MTMR9: variants seen among roughly 807,000 people sequenced by gnomAD.
The protein encoded by MTMR9 is myotubularin related protein 9.
A neutral mutation model predicts 69.5 loss-of-function variants in MTMR9; 39 were observed. The ratio of observed to expected loss-of-function variants is 0.56; its 90% CI spans 0.43 to 0.73. MTMR9 has a LOEUF of 0.73. Among genes scored for constraint, MTMR9 ranks in the 30% least tolerant of loss-of-function variants. The pLI is 0.00. For missense variants in MTMR9, 900 were observed against 671.2 expected (o/e 1.34, Z -3.77); for synonymous variants, 354 against 240.8 (o/e 1.47, Z -4.35).
intron 3 of MTMR9, among the ~76,000 whole-genome samples, chr8:11,304,355 A>C (rs2117401991): frequency 1.3e-5 from 2 of 152,330 alleles, no homozygotes. Flanking sequence ...GTACAGTCTT[A>C]CTTGTGCTTT....
chr8:11,286,615 G>A (rs1396950479), intron 1 of MTMR9, among the ~76,000 whole-genome samples: 1 of 141,136 alleles, frequency 7.1e-6, no homozygotes, highest in Non-Finnish European at 1.5e-5. Flanking sequence ...GCAGTGAGCC[G>A]AGATCGGGCC....
chr8:11,317,602 G>C (rs1563284383), intron 8 of MTMR9: 4 of 152,132 alleles, frequency 2.6e-5, no homozygotes, highest in Admixed American at 6.6e-5. Context: ...ACAGGCCACG[G>C]ACCCTTACTG....
downstream of MTMR9, among the ~76,000 whole-genome samples, chr8:11,329,937 T>A (rs1417167923): frequency 6.6e-6 from 1 of 150,468 alleles, no homozygotes; most frequent in Admixed American, 6.6e-5. Context: ...CGACCCCGTC[T>A]GGGAGGTGAG....
At chr8:11,291,804 T>G (rs1799388136) in intron 1 of MTMR9, among the ~76,000 whole-genome samples, 1 of 152,162 alleles carries the variant, frequency 6.6e-6, no homozygotes, top group African/African-American at 2.4e-5. Flanking sequence ...TTGTACATTT[T>G]TTTTGTTTTT....
chr8:11,313,719 G>A (rs1419189247), intron 6 of MTMR9, among the ~76,000 whole-genome samples: 1 of 152,204 alleles, frequency 6.6e-6, no homozygotes, highest in East Asian at 1.9e-4. Flanking sequence ...CACAGCATTT[G>A]TTGATTAAGT....
At chr8:11,299,950 C>G (rs548879565) in intron 2 of MTMR9, 73 bp from the exon 3 acceptor site, 5 of 1,535,052 alleles carry the variant, frequency 3.3e-6, no homozygotes, top group South Asian at 2.4e-5. Context: ...TTGCTTAATA[C>G]TAATTTGTCA....
chr8:11,298,686 T>A (rs1333113126), intron 2 of MTMR9: 2 of 854,436 alleles, frequency 2.3e-6, no homozygotes, highest in Middle Eastern at 5.9e-4. Flanking sequence ...CAGTTTGAAT[T>A]ATGCTAATTG....
intron 2 of MTMR9, among the ~76,000 whole-genome samples, chr8:11,296,556 C>T (rs991644084): frequency 6.6e-6 from 1 of 152,138 alleles, no homozygotes; most frequent in African/African-American, 2.4e-5. Flanking sequence ...CTCTCCAGCT[C>T]CTGAGAACCC....
At chr8:11,296,306 A>G (rs968030934) in intron 2 of MTMR9, among the ~76,000 whole-genome samples, 4 of 152,138 alleles carry the variant, frequency 2.6e-5, no homozygotes, top group African/African-American at 9.7e-5. Flanking sequence ...TGTGTGTAGA[A>G]TGGTTAGTAT....
chr8:11,315,194 A>C, intron 7 of MTMR9, 130 bp downstream of exon 7: 1 of 1,111,518 alleles, frequency 9.0e-7, no homozygotes, highest in South Asian at 1.5e-5. Flanking sequence ...AATTTACTGC[A>C]GGACAGTTAA....
At chr8:11,299,971 GTT>G (rs1799695403) in intron 2 of MTMR9, 50 bp from the exon 3 acceptor site, 1 of 1,583,480 alleles carries the variant, frequency 6.3e-7, no homozygotes, top group African/African-American at 1.4e-5. Context: ...GTTAGAATAT[GTT>G]TCCAGTTGTG....
At chr8:11,300,778 G>T (rs1169862830) in intron 3 of MTMR9, 3 of 152,198 alleles carry the variant, frequency 2.0e-5, no homozygotes, top group African/African-American at 7.2e-5. Flanking sequence ...GAAATTCAAG[G>T]TCTATACACT....
intron 4 of MTMR9, among the ~76,000 whole-genome samples, chr8:11,305,949 A>T: frequency 6.6e-6 from 1 of 152,132 alleles, no homozygotes; most frequent in East Asian, 1.9e-4. Context: ...TAAAGAGGAG[A>T]TATAATTTAT....
chr8:11,305,097 G>A, intron 4 of MTMR9, 83 bp downstream of exon 4: 1 of 1,326,698 alleles, frequency 7.5e-7, no homozygotes. Context: ...TTTGCTCTCT[G>A]TCTGTTCACT....
intron 1 of MTMR9, among the ~76,000 whole-genome samples, chr8:11,287,207 A>C (rs542185316): frequency 6.6e-6 from 1 of 152,320 alleles, no homozygotes; most frequent in East Asian, 1.9e-4. Context: ...GTAGGAAACA[A>C]AAGAAGGATT....
intron 7 of MTMR9, among the ~76,000 whole-genome samples, chr8:11,315,336 A>C (rs778948054): frequency 6.6e-6 from 1 of 152,192 alleles, no homozygotes; most frequent in African/African-American, 2.4e-5. Context: ...AGCATAGTGC[A>C]ATCTCCCAGA....
intron 5 of MTMR9, among the ~76,000 whole-genome samples, chr8:11,308,446 A>G (rs1800056619): frequency 6.6e-6 from 1 of 152,206 alleles, no homozygotes; most frequent in African/African-American, 2.4e-5. Context: ...GCTTTGTAGC[A>G]TATTTTAAAA....
At chr8:11,303,377 C>T (rs1799821472) in intron 3 of MTMR9, among the ~76,000 whole-genome samples, 1 of 151,440 alleles carries the variant, frequency 6.6e-6, no homozygotes. Context: ...ACAGTATTAT[C>T]ATGTTGTTTA....
downstream of MTMR9, chr8:11,331,365 C>G: frequency 6.2e-7 from 1 of 1,614,034 alleles, no homozygotes; most frequent in Non-Finnish European, 8.5e-7. Context: ...TGCCCTGCTA[C>G]TTAAACTGCG....
Sources: gnomAD v4.1 joint callset for allele counts (sites outside exome capture counted in the v4.1 genomes callset) on GRCh38, gnomAD v4.1.1 for gene constraint, MANE v1.5 for transcripts, NCBI Gene and HGNC (gene_info 2026-07-23, HGNC 2026-07-21) for gene names.